The following CBLL1 variants were observed in gnomAD, a reference collection of about 807,000 sequenced individuals.
The protein encoded by CBLL1 is E3 ubiquitin-protein ligase Hakai.
A neutral mutation model predicts 44.9 loss-of-function variants in CBLL1; 4 were observed. The ratio of observed to expected loss-of-function variants is 0.09; its 90% CI spans 0.04 to 0.20. The LOEUF (loss-of-function observed/expected upper bound fraction) is 0.20, where lower values mean the gene tolerates loss of function less well. Among genes scored for constraint, CBLL1 ranks in the 10% least tolerant of loss-of-function variants. The pLI is 1.00. For synonymous variants in CBLL1, 235 were observed against 202.2 expected, an observed-to-expected ratio of 1.16 and a Z score of -1.38; for missense variants, 569 against 636.7, an observed-to-expected ratio of 0.89 and a Z score of 1.14.
intron 2 of CBLL1, chr7:107,752,714 C>A: frequency 2.1e-6 from 1 of 470,504 alleles, no homozygotes; most frequent in Non-Finnish European, 3.4e-6. Flanking sequence ...TTTAATTAGG[C>A]CAGAGAAATT....
Position 107,759,284 on chromosome 7 carries a change from G to A in CBLL1, c.*106G>A. ...AGGAAGAGTACCTCTTATCGAGGTA[G>A]TATAAAACACATAGGGTCTTGTTTC... On this transcript the variant is annotated 3_prime_UTR_variant, in exon 6 of 6. Coordinates refer to ENST00000440859, the MANE Select transcript of CBLL1 (RefSeq NM_024814.4). 1 of 949,172 alleles carries A rather than the reference G, an allele frequency of 1.1e-6. No homozygotes were observed. The highest frequency in any genetic ancestry group is 1.6e-5 in the African/African-American group (1 of 60,852). The allele number at this position is 949,172 out of a possible 1,614,324, so 58.8% of individuals were successfully genotyped here. A position where few individuals can be genotyped will look rare whatever the true frequency, so the allele number is the denominator to read the frequency against.
intron 1 of CBLL1, chr7:107,744,571 CG>C (rs1792914714): frequency 4.3e-6 from 1 of 232,194 alleles, no homozygotes; most frequent in Non-Finnish European, 8.3e-6. Context: ...TGGGAGTGGA[CG>C]GGCGAGAATG....
intron 2 of CBLL1, 61 bp downstream of exon 2, chr7:107,749,108 T>TC: frequency 1.4e-6 from 2 of 1,461,946 alleles, no homozygotes; most frequent in South Asian, 2.6e-5. Flanking sequence ...CTTCGGACAG[T>TC]CTGTGTGATC....
At position 107,758,298 on chromosome 7, in the gene CBLL1, G is replaced by A. The variant is rs750442873; in HGVS notation, c.596G>A (p.Arg199His). 4.3e-6 allele frequency: 7 copies of A among 1,614,024 alleles called. No homozygotes were observed. Among genetic ancestry groups the A allele is most frequent in the Non-Finnish European group, 5.9e-6 (7 of 1,179,990 alleles). Residue 199 changes from arginine to histidine, a missense_variant, in exon 6 of 6, where the codon CGT (arginine) becomes CAT (histidine). By Grantham distance (29) the Arg-to-His change is conservative. Coordinates refer to ENST00000440859, the MANE Select transcript of CBLL1 (RefSeq NM_024814.4). This position sits in a 1 kb window ranked among gnomAD's most constrained non-coding sequence, Gnocchi z 4.2. ...ATGAGAGCTGGAAAACCTGTTACCC[G>A]TGCTTCACTTGAAAATGTTCATCCT... ...RHMRAGKPVT[R>H]ASLENVHPPI...
rs1207532286 is a variant in CBLL1, at chr7:107,761,531, T to G, written c.*2353T>G. The G allele has an allele frequency of 6.6e-6, 1 of 152,156 alleles. No individual in the cohort carries two copies. The highest frequency in any genetic ancestry group is 2.4e-5 in the African/African-American group (1 of 41,446). The allele number at this position is 152,156 out of a possible 1,614,324, so 9.4% of individuals were successfully genotyped here. On this transcript the variant is annotated 3_prime_UTR_variant, in exon 6 of 6. Transcript: ENST00000440859. ...ACGGAAAAAGATGTGAATCCCAGCC[T>G]TATTTCAGGGAAGCCTTTGAAGCTA...
At chr7:107,753,578 T>C in intron 3 of CBLL1, 67 bp downstream of exon 3, 1 of 893,888 alleles carries the variant, frequency 1.1e-6, no homozygotes, top group Non-Finnish European at 1.7e-6. Context: ...ACTTAAAATG[T>C]TTTATTGGAG....
intron 5 of CBLL1, among the ~76,000 whole-genome samples, chr7:107,756,200 T>C (rs1310894735): frequency 6.6e-6 from 1 of 152,182 alleles, no homozygotes; most frequent in African/African-American, 2.4e-5. Context: ...GAATGAAAGA[T>C]ACTTGCTTGG....
intron 1 of CBLL1, chr7:107,744,536 C>A: frequency 3.4e-6 from 1 of 295,190 alleles, no homozygotes; most frequent in Non-Finnish European, 6.2e-6. Context: ...ATTGCGGTCT[C>A]CGAGTCGCGG....
Position 107,758,117 on chromosome 7 carries a change from T to C in CBLL1, c.441-26T>C. The C allele has an allele frequency of 2.6e-6, 4 of 1,536,220 alleles. No individual in the cohort carries two copies. Among genetic ancestry groups the C allele is most frequent in the Non-Finnish European group, 3.5e-6 (4 of 1,141,058 alleles). On this transcript the variant is annotated intron_variant, in intron 5 of 5. Transcript: ENST00000440859. This position sits in a 1 kb window ranked among gnomAD's most constrained non-coding sequence, Gnocchi z 4.2. ...ATTTTTTGTATTCTCTTTTAGTAAATCACATTTCTTTCCCTTCTAATTTAG... is the reference window on the plus strand; with the variant it reads ...ATTTTTTGTATTCTCTTTTAGTAAACCACATTTCTTTCCCTTCTAATTTAG...
chr7:107,755,662 G>T, intron 5 of CBLL1, 171 bp downstream of exon 5: 1 of 369,620 alleles, frequency 2.7e-6, no homozygotes. Flanking sequence ...TTTAATATAG[G>T]GCAAGGTAGC....
intron 2 of CBLL1, among the ~76,000 whole-genome samples, chr7:107,753,094 T>C (rs1181362229): frequency 6.6e-5 from 10 of 152,218 alleles, no homozygotes; most frequent in African/African-American, 1.7e-4. Context: ...AATAGTTTCA[T>C]GAATTGATAA....
intron 2 of CBLL1, 183 bp downstream of exon 2, chr7:107,749,230 T>A (rs1370427286): frequency 2.1e-6 from 1 of 466,598 alleles, no homozygotes; most frequent in Non-Finnish European, 3.6e-6. Context: ...ATTTTTTGAT[T>A]TGGTTCCTTT....
At chr7:107,745,634 G>C (rs571339449) in intron 1 of CBLL1, among the ~76,000 whole-genome samples, 119 of 152,322 alleles carry the variant, frequency 7.8e-4, no homozygotes, top group African/African-American at 2.8e-3. Context: ...AGGGAGGTAA[G>C]AATGATGGAA....
Position 107,758,671 on chromosome 7 carries a change from G to A in CBLL1, c.969G>A (p.Gln323=), listed in dbSNP as rs368161229. The change falls in exon 6 of 6, where the codon CAG becomes CAA. Residue 323 remains glutamine (Q), a synonymous_variant. Transcript: ENST00000440859. This position sits in a 1 kb window ranked among gnomAD's most constrained non-coding sequence, Gnocchi z 4.2. The part of the protein sequence containing the change: ...PAPAHHHPEY[Q]GQPVVSHPHH... ...CTGCTCACCATCATCCTGAATATCA[G>A]GGTCAACCAGTGGTATCGCACCCTC... The A allele has an allele frequency of 6.2e-7, 1 of 1,613,674 alleles. No individual in the cohort carries two copies. Among genetic ancestry groups the A allele is most frequent in the African/African-American group, 1.3e-5 (1 of 74,790 alleles).
intron 2 of CBLL1, 61 bp from the exon 3 acceptor site, chr7:107,753,350 G>A (rs1475197432): frequency 1.8e-6 from 2 of 1,137,916 alleles, no homozygotes; most frequent in Admixed American, 2.3e-5. Context: ...CCATGTATAT[G>A]TGCTTCCAAA....
chr7:107,755,789 T>C (rs1584385523), intron 5 of CBLL1, among the ~76,000 whole-genome samples: 2 of 152,288 alleles, frequency 1.3e-5, no homozygotes, highest in Non-Finnish European at 2.9e-5. Context: ...TAAGATATAT[T>C]GAGAGCAAAG....
chr7:107,757,973 A>G (rs945118021), intron 5 of CBLL1, among the ~76,000 whole-genome samples, 170 bp from the exon 6 acceptor site: 2 of 152,254 alleles, frequency 1.3e-5, no homozygotes, highest in African/African-American at 2.4e-5. Flanking sequence ...CTAACAGACA[A>G]CAAAGTAGGG....
Position 107,748,861 on chromosome 7 carries a change from C to CT in CBLL1, c.14-11dup, listed in dbSNP as rs559703675. On this transcript the variant is annotated intron_variant, in intron 1 of 5. Coordinates refer to ENST00000440859, the MANE Select transcript of CBLL1 (RefSeq NM_024814.4). ...AAAGAAAAACTAAAAGAAATTACAA[C>CT]TTTTTTTTCCTAACACAGACAATGA... 55 of 1,546,208 alleles carry CT rather than the reference C, an allele frequency of 3.6e-5. 1 individual carries two copies. The East Asian group carries it at 6.7e-4, about 19-fold the overall frequency.
rs1562866926 is a variant in CBLL1 at position 107,758,910 on chromosome 7, C to T, written c.1208C>T (p.Pro403Leu). 2 of 1,614,014 alleles carry T rather than the reference C, an allele frequency of 1.2e-6. No individual in the cohort carries two copies. Among genetic ancestry groups the T allele is most frequent in the Non-Finnish European group, 1.7e-6 (2 of 1,179,972 alleles). ...ATGCCACCTTATATGAATCATCCTC[C>T]TCCAGGACCTCCCCCACCTCAACAT... ...AQMPPYMNHPPPGPPPPQHGG... is the reference protein window; with the variant it reads ...AQMPPYMNHPLPGPPPPQHGG... Residue 403 changes from proline to leucine, a missense_variant, in exon 6 of 6, where the codon CCT becomes CTT. By Grantham distance (98) the Pro-to-Leu change is moderately conservative. Around this residue, in one of 5 missense-constraint regions of CBLL1, gnomAD observed 228 missense variants for 253.2 expected, o/e 0.90. Transcript: ENST00000440859. The surrounding 1 kb of genome is among the most constrained non-coding windows in gnomAD (Gnocchi z 4.2).
Sources: gnomAD v4.1 joint callset for allele counts (sites outside exome capture counted in the v4.1 genomes callset) on GRCh38, gnomAD v4.1.1 for gene constraint, gnomAD v4.1.1 regional missense constraint, Gnocchi (gnomAD v3.1) non-coding constraint, MANE v1.5 for transcripts, NCBI Gene and HGNC (gene_info 2026-07-23, HGNC 2026-07-21) for gene names.